GPC5: variants seen among roughly 807,000 people sequenced by gnomAD.
The protein encoded by GPC5 is glypican 5.
GPC5 carries 47 observed loss-of-function variants against 53.9 expected under a neutral mutation model. The observed-to-expected ratio is 0.87, with a 90% CI of 0.69 to 1.11. The LOEUF (loss-of-function observed/expected upper bound fraction) is 1.11, where lower values mean the gene tolerates loss of function less well. GPC5 is among the 50% of genes most tolerant of loss of function. The pLI is 0.00. For missense variants in GPC5, 748 were observed against 713.1 expected, an observed-to-expected ratio of 1.05 and a Z score of -0.56; for synonymous variants, 286 against 263.3, an observed-to-expected ratio of 1.09 and a Z score of -0.84.
intron 7 of GPC5, among the ~76,000 whole-genome samples, chr13:92,381,681 C>A (rs1418787475): frequency 6.6e-6 from 1 of 151,734 alleles, no homozygotes; most frequent in Non-Finnish European, 1.5e-5. Flanking sequence ...AGACATGATT[C>A]GAAAACGACA....
chr13:92,498,631 G>C (rs1258985263), intron 7 of GPC5, among the ~76,000 whole-genome samples: 1 of 152,086 alleles, frequency 6.6e-6, no homozygotes, highest in Non-Finnish European at 1.5e-5. Flanking sequence ...CTGGTTTGCA[G>C]GGCAGAGGGT....
chr13:92,160,720 T>C (rs757959081), intron 7 of GPC5, among the ~76,000 whole-genome samples: 1 of 152,182 alleles, frequency 6.6e-6, no homozygotes, highest in Non-Finnish European at 1.5e-5. Flanking sequence ...GGGTCTTCCA[T>C]AGAGCCAACT....
chr13:91,993,110 A>G (rs2040471982), intron 6 of GPC5, among the ~76,000 whole-genome samples: 1 of 152,192 alleles, frequency 6.6e-6, no homozygotes, highest in Non-Finnish European at 1.5e-5. Flanking sequence ...ACAGACACAT[A>G]TTGTTCATGT....
chr13:91,808,722 T>G lies in GPC5; in HGVS notation c.1280+52302T>G, dbSNP rs139223993. On this transcript the variant is annotated intron_variant, in intron 5 of 7. Coordinates refer to ENST00000377067, the MANE Select transcript of GPC5 (RefSeq NM_004466.6). ...TCCAGACCTAAATTCTCCAAAGTGA[T>G]ACCTTCAAACTACTGCTTAGGACAC... is the stretch of plus-strand genomic sequence containing the variant. Among the ~76,000 whole-genome samples, 632 of 152,270 alleles carry G rather than the reference T, an allele frequency of 4.2e-3. 1 individual carries two copies. The highest frequency in any genetic ancestry group is 6.9e-3 in the Non-Finnish European group (472 of 68,010).
At chr13:91,746,942 T>C (rs2037062888) in intron 4 of GPC5, among the ~76,000 whole-genome samples, 1 of 152,140 alleles carries the variant, frequency 6.6e-6, no homozygotes, top group South Asian at 2.1e-4. Flanking sequence ...CTCTATATCC[T>C]TCTCTATCTT....
chr13:92,545,807 A>G (rs1265132961), intron 7 of GPC5, among the ~76,000 whole-genome samples: 6 of 152,004 alleles, frequency 3.9e-5, no homozygotes, highest in Admixed American at 3.3e-4. Context: ...TTCATTGTAG[A>G]TTCTGGATAT....
At chr13:92,734,677 C>T (rs1888891846) in intron 7 of GPC5, among the ~76,000 whole-genome samples, 1 of 151,822 alleles carries the variant, frequency 6.6e-6, no homozygotes, top group African/African-American at 2.4e-5. Flanking sequence ...TTAAATATGG[C>T]ATTATTTTCA....
chr13:91,914,387 AATAAC>A (rs1231264138), intron 6 of GPC5, among the ~76,000 whole-genome samples: 1 of 152,076 alleles, frequency 6.6e-6, no homozygotes, highest in Non-Finnish European at 1.5e-5. Context: ...TAACAATTCA[AATAAC>A]ATAAGAGTAT....
At chr13:91,755,020 T>C (rs977088659) in intron 4 of GPC5, among the ~76,000 whole-genome samples, 6 of 152,080 alleles carry the variant, frequency 3.9e-5, no homozygotes, top group Admixed American at 3.9e-4. Context: ...GAAAGTAATA[T>C]TTATCTTTTT....
chr13:91,410,593 G>T (rs1028305976), intron 1 of GPC5, among the ~76,000 whole-genome samples: 1 of 151,602 alleles, frequency 6.6e-6, no homozygotes, highest in African/African-American at 2.4e-5. Flanking sequence ...TGATCCGCCC[G>T]CCTTGGCCTC....
At chr13:92,195,067 C>A (rs772391089) in intron 7 of GPC5, among the ~76,000 whole-genome samples, 19 of 152,216 alleles carry the variant, frequency 1.2e-4, no homozygotes, top group Middle Eastern at 6.8e-3. Context: ...TTGAAACCAA[C>A]GATAAGAATT....
intron 7 of GPC5, among the ~76,000 whole-genome samples, chr13:92,176,935 C>T (rs2042112995): frequency 6.6e-6 from 1 of 152,232 alleles, no homozygotes; most frequent in African/African-American, 2.4e-5. Flanking sequence ...ACAGGCACTG[C>T]TTCACCCTGC....
intron 6 of GPC5, among the ~76,000 whole-genome samples, chr13:92,104,143 A>G (rs2041488784): frequency 6.6e-6 from 1 of 152,138 alleles, no homozygotes; most frequent in Non-Finnish European, 1.5e-5. Flanking sequence ...AAACAATGAA[A>G]ATACTGAGAA....
intron 7 of GPC5, among the ~76,000 whole-genome samples, chr13:92,264,706 T>C (rs1216697963): frequency 6.6e-6 from 1 of 152,060 alleles, no homozygotes; most frequent in Non-Finnish European, 1.5e-5. Context: ...CTGAGAAGTA[T>C]ATAGGATAAT....
intron 7 of GPC5, among the ~76,000 whole-genome samples, chr13:92,268,636 G>T (rs1324601331): frequency 2.0e-5 from 3 of 151,388 alleles, no homozygotes; most frequent in Admixed American, 1.3e-4. Context: ...CTTTATTCCT[G>T]CTAGAACTTT....
At chr13:92,006,481 T>C (rs2040607917) in intron 6 of GPC5, among the ~76,000 whole-genome samples, 1 of 152,180 alleles carries the variant, frequency 6.6e-6, no homozygotes, top group East Asian at 1.9e-4. Context: ...TCCTTTTAGC[T>C]TGAAGAGTTT....
intron 7 of GPC5, among the ~76,000 whole-genome samples, chr13:92,852,831 T>A (rs1878860367): frequency 6.6e-6 from 1 of 152,158 alleles, no homozygotes; most frequent in Non-Finnish European, 1.5e-5. Context: ...GAAGGTGAGA[T>A]ACCAAGTGGT....
At chr13:91,459,229 A>T (rs1881769721) in intron 2 of GPC5, among the ~76,000 whole-genome samples, 1 of 152,058 alleles carries the variant, frequency 6.6e-6, no homozygotes, top group Non-Finnish European at 1.5e-5. Context: ...AAAGAAAAGA[A>T]GGTTGGAGTG....
intron 6 of GPC5, among the ~76,000 whole-genome samples, chr13:91,950,369 C>A (rs978691710): frequency 1.3e-5 from 2 of 151,406 alleles, no homozygotes; most frequent in Admixed American, 6.6e-5. Flanking sequence ...CTCCCAGCCC[C>A]ACCCTCCACT....
Sources: gnomAD v4.1 joint callset for allele counts (sites outside exome capture counted in the v4.1 genomes callset) on GRCh38, gnomAD v4.1.1 for gene constraint, MANE v1.5 for transcripts, NCBI Gene and HGNC (gene_info 2026-07-23, HGNC 2026-07-21) for gene names.